The following CREBRF variants were observed in gnomAD, a reference collection of about 807,000 sequenced individuals.
CREBRF encodes the protein CREB3 regulatory factor.
A neutral mutation model predicts 66.1 loss-of-function variants in CREBRF; 5 were observed. The ratio of observed to expected loss-of-function variants is 0.08; its 90% CI spans 0.04 to 0.16. The LOEUF (loss-of-function observed/expected upper bound fraction) is 0.16, where lower values mean the gene tolerates loss of function less well. Among genes scored for constraint, CREBRF ranks in the 10% least tolerant of loss-of-function variants. CREBRF has a pLI of 1.00. For missense variants in CREBRF, 531 were observed against 744.9 expected (o/e 0.71, Z 3.34); for synonymous variants, 229 against 264.4 (o/e 0.87, Z 1.30).
intron 8 of CREBRF, among the ~76,000 whole-genome samples, chr5:173,128,270 G>A (rs1759318854): frequency 6.6e-6 from 1 of 152,200 alleles, no homozygotes; most frequent in South Asian, 2.1e-4. Context: ...CCAGCAGGTA[G>A]GGATTATTGT....
At chr5:173,122,801 A>C (rs1759172187) in intron 7 of CREBRF, among the ~76,000 whole-genome samples, 1 of 112,272 alleles carries the variant, frequency 8.9e-6, no homozygotes, top group Non-Finnish European at 1.7e-5. Context: ...TCCTGTGTCC[A>C]TGTGTTCTCA....
Position 173,090,541 on chromosome 5 carries a change from A to G in CREBRF, c.362A>G (p.Asp121Gly). ...AAAGAAGTGGATTACTTGGGTCTTG[A>G]TGACTTTTCTAGTCCTTACCAAGAT... ...GTKEVDYLGL[D>G]DFSSPYQDEE... Residue 121 changes from aspartate (D) to glycine (G), a missense_variant, in exon 4 of 9, where the codon GAT becomes GGT. Around this residue, in one of 5 missense-constraint regions of CREBRF, gnomAD observed 133 missense variants for 215.6 expected, o/e 0.62. Transcript: ENST00000296953. The surrounding 1 kb of genome is among the most constrained non-coding windows in gnomAD (Gnocchi z 4.5). The G allele has an allele frequency of 1.2e-6, 2 of 1,614,026 alleles. No individual in the cohort carries two copies. The highest frequency in any genetic ancestry group is 1.7e-6 in the Non-Finnish European group (2 of 1,179,868).
At position 173,110,597 on chromosome 5, in the gene CREBRF, T is replaced by C. The variant is rs1220720547; in HGVS notation, c.1493T>C (p.Ile498Thr). 1 of 1,613,992 alleles carries C rather than the reference T, an allele frequency of 6.2e-7. No individual in the cohort carries two copies. Among genetic ancestry groups the C allele is most frequent in the Non-Finnish European group, 8.5e-7 (1 of 1,179,872 alleles). Residue 498 changes from isoleucine (I) to threonine (T), a missense_variant, in exon 6 of 9, where the codon ATA becomes ACA. Coordinates refer to ENST00000296953, the MANE Select transcript of CREBRF (RefSeq NM_153607.3). The part of the protein sequence containing the change: ...LTPNPKKLLQ[I>T]GNELRKLNKV... Reference sequence around the variant, plus strand: ...CCAAATCCTAAAAAACTCCTCCAGATAGGCAATGAACTTCGGAAACTGAAT... The same window carrying C: ...CCAAATCCTAAAAAACTCCTCCAGACAGGCAATGAACTTCGGAAACTGAAT...
At position 173,088,489 on chromosome 5, in the gene CREBRF, C is replaced by CAA. The variant is rs553969460; in HGVS notation, c.136-1809_136-1808dup. ...GGGCAACAAGAGCAAGACCCCGTCT[C>CAA]AAAAAAAAAAAAAAAAAATGAATGC... On this transcript the variant is annotated intron_variant, in intron 3 of 8. Coordinates refer to ENST00000296953, the MANE Select transcript of CREBRF (RefSeq NM_153607.3). Among the ~76,000 whole-genome samples the CAA allele has an allele frequency of 6.1e-3, 509 of 83,342 alleles. 5 individuals carry two copies. Among genetic ancestry groups the CAA allele is most frequent in the African/African-American group, 0.02 (371 of 18,554 alleles). The allele number at this position is 83,342 out of a possible 152,430, so 54.7% of individuals were successfully genotyped here.
At chr5:173,092,363 T>G (rs1380186455) in intron 4 of CREBRF, 17 of 985,198 alleles carry the variant, frequency 1.7e-5, no homozygotes, top group Non-Finnish European at 1.9e-5. Flanking sequence ...ACAGCGCATA[T>G]AAATAAAAGG....
chr5:173,092,460 A>G, intron 4 of CREBRF: 2 of 973,592 alleles, frequency 2.1e-6, no homozygotes, highest in South Asian at 4.8e-5. Flanking sequence ...TGTGCAGTTT[A>G]TTTATAAAAA....
chr5:173,099,177 A>G lies in CREBRF; in HGVS notation c.1222+7776A>G, dbSNP rs183046137. 1.3e-3 allele frequency among the ~76,000 whole-genome samples: 204 copies of G among 151,458 alleles called. 2 individuals are homozygous for G. The highest frequency in any genetic ancestry group is 4.8e-3 in the African/African-American group (197 of 41,284). On this transcript the variant is annotated intron_variant, in intron 4 of 8. Coordinates refer to ENST00000296953, the MANE Select transcript of CREBRF (RefSeq NM_153607.3). ...CATGCATCCTTTTTATTTTTTTGAGACAGGTTCTTATTCTGTTGCCCAGGC... is the reference window on the plus strand; with the variant it reads ...CATGCATCCTTTTTATTTTTTTGAGGCAGGTTCTTATTCTGTTGCCCAGGC...
At chr5:173,086,678 G>A in intron 3 of CREBRF, 52 bp downstream of exon 3, 2 of 1,519,556 alleles carry the variant, frequency 1.3e-6, no homozygotes, top group South Asian at 1.3e-5. Context: ...GTAAAAGTTT[G>A]TGGGAGAGTT....
Position 173,091,355 on chromosome 5 carries a change from T to C in CREBRF, c.1176T>C (p.Tyr392=). Residue 392 remains tyrosine, a synonymous_variant, in exon 4 of 9, where the codon TAT becomes TAC. Transcript: ENST00000296953. ...AGGAGGAAGAAGAGGAAGAGGATTA[T>C]GAAGATGACAAGGATGATGATATTA... is the stretch of plus-strand genomic sequence containing the variant. ...NEEEEEEEED[Y]EDDKDDDISD... The C allele has an allele frequency of 6.2e-7, 1 of 1,613,754 alleles. No individual in the cohort carries two copies. The highest frequency in any genetic ancestry group is 8.5e-7 in the Non-Finnish European group (1 of 1,179,770).
chr5:173,095,380 G>C (rs1490203559), intron 4 of CREBRF, among the ~76,000 whole-genome samples: 1 of 151,732 alleles, frequency 6.6e-6, no homozygotes, highest in Non-Finnish European at 1.5e-5. Context: ...TAGTAGAGAC[G>C]GGGTTTCACT....
At chr5:173,125,774 G>A (rs532066484) in intron 8 of CREBRF, among the ~76,000 whole-genome samples, 3 of 152,340 alleles carry the variant, frequency 2.0e-5, no homozygotes, top group African/African-American at 7.2e-5. Flanking sequence ...TGAGGCAGGA[G>A]AATTGCTTGA....
intron 6 of CREBRF, among the ~76,000 whole-genome samples, chr5:173,111,457 G>A (rs1328238072): frequency 6.6e-6 from 1 of 152,164 alleles, no homozygotes; most frequent in Admixed American, 6.6e-5. Flanking sequence ...TGTAGAGATG[G>A]GGTTTCACCA....
chr5:173,079,466 T>TAAAA (rs57288779), intron 1 of CREBRF, among the ~76,000 whole-genome samples: 2 of 130,974 alleles, frequency 1.5e-5, no homozygotes, highest in Non-Finnish European at 3.3e-5. Context: ...CTGTCTTTTT[T>TAAAA]AAAAAAAAAA....
chr5:173,123,509 C>G (rs1164574948), intron 8 of CREBRF: 1 of 272,102 alleles, frequency 3.7e-6, no homozygotes. Flanking sequence ...GCAGTTTGCA[C>G]TTTAGTGTAG....
At chr5:173,110,111 C>A in intron 5 of CREBRF, 1 of 233,348 alleles carries the variant, frequency 4.3e-6, no homozygotes, top group Non-Finnish European at 8.6e-6. Context: ...GCATCAGAAA[C>A]ATCTTGGTTT....
chr5:173,093,827 A>G (rs1485826553), intron 4 of CREBRF, among the ~76,000 whole-genome samples: 1 of 152,156 alleles, frequency 6.6e-6, no homozygotes, highest in East Asian at 1.9e-4. Context: ...CAGTATTGTT[A>G]TCTGTAGTCA....
chr5:173,127,461 CTT>C (rs70984945), intron 8 of CREBRF, among the ~76,000 whole-genome samples: 14,521 of 130,684 alleles, frequency 0.11, 748 homozygotes, highest in South Asian at 0.18. Context: ...TTTTTCTTTT[CTT>C]TTTTTTTTTT....
At chr5:173,069,080 A>G (rs1038264158) in intron 1 of CREBRF, among the ~76,000 whole-genome samples, 9 of 151,336 alleles carry the variant, frequency 5.9e-5, no homozygotes, top group African/African-American at 2.0e-4. Context: ...TCAAAAAACA[A>G]AAAAAAAGAA....
chr5:173,107,817 A>ATTTTTT (rs559120882), intron 4 of CREBRF, among the ~76,000 whole-genome samples: 2 of 121,846 alleles, frequency 1.6e-5, no homozygotes, highest in Non-Finnish European at 1.8e-5. Flanking sequence ...TCTCTACAAA[A>ATTTTTT]TTTTTTTTTT....
Sources: allele counts gnomAD v4.1 joint callset (sites outside exome capture counted in the v4.1 genomes callset), GRCh38; gene constraint gnomAD v4.1.1; regional missense constraint gnomAD v4.1.1; non-coding constraint Gnocchi (gnomAD v3.1); transcripts MANE v1.5; gene names NCBI Gene and HGNC (gene_info 2026-07-23, HGNC 2026-07-21).